Variants in RAB27A observed in about 807,000 individuals in gnomAD.
RAB27A encodes ras-related protein Rab-27A.
Under a neutral mutation model 20.8 loss-of-function variants are expected in RAB27A, and 17 were observed. That is an observed-to-expected ratio of 0.82 (90% CI 0.56 to 1.23). The LOEUF (loss-of-function observed/expected upper bound fraction) is 1.23. RAB27A is among the 50% of genes most tolerant of loss of function. RAB27A has a pLI of 0.00. For missense variants in RAB27A, 277 were observed against 266.7 expected (o/e 1.04, Z -0.27); for synonymous variants, 85 against 92.8 (o/e 0.92, Z 0.48).
At chr15:55,221,424 G>A (rs565575336) in intron 6 of RAB27A, among the ~76,000 whole-genome samples, 37 of 152,022 alleles carry the variant, frequency 2.4e-4, no homozygotes, top group Middle Eastern at 6.8e-3. Context: ...TGTGGTAATC[G>A]TTCTCTCCCT....
At chr15:55,222,764 G>A (rs1595686473) in intron 6 of RAB27A, among the ~76,000 whole-genome samples, 1 of 150,858 alleles carries the variant, frequency 6.6e-6, no homozygotes, top group African/African-American at 2.4e-5. Flanking sequence ...CACAAACTAG[G>A]TAACATCCCC....
intron 2 of RAB27A, among the ~76,000 whole-genome samples, chr15:55,252,833 AC>A (rs1386043981): frequency 6.6e-6 from 1 of 151,832 alleles, no homozygotes; most frequent in Non-Finnish European, 1.5e-5. Flanking sequence ...TACTCTGCCA[AC>A]CAGTTTGAAA....
intron 2 of RAB27A, among the ~76,000 whole-genome samples, chr15:55,235,988 C>T (rs1347112577): frequency 6.6e-6 from 1 of 152,026 alleles, no homozygotes; most frequent in African/African-American, 2.4e-5. Context: ...AAGAATGATA[C>T]AATGGACTTT....
Position 55,270,217 on chromosome 15 carries a change from G to A in RAB27A, c.-75C>T, listed in dbSNP as rs935672877. 1 of 152,054 alleles carries A rather than the reference G, an allele frequency of 6.6e-6. No individual in the cohort carries two copies. Among genetic ancestry groups the A allele is most frequent in the Non-Finnish European group, 1.5e-5 (1 of 67,994 alleles). The allele number at this position is 152,054 out of a possible 1,614,324, so 9.4% of individuals were successfully genotyped here. On this transcript the variant is annotated 5_prime_UTR_variant, in exon 2 of 7. Coordinates refer to ENST00000336787, the MANE Select transcript of RAB27A (RefSeq NM_183235.3). ...TGATTTTCTAAAACGTTAGAGACTGGAGTTACCAATGCTTCAACAATTGAC... is the reference window on the plus strand; with the variant it reads ...TGATTTTCTAAAACGTTAGAGACTGAAGTTACCAATGCTTCAACAATTGAC...
intron 2 of RAB27A, among the ~76,000 whole-genome samples, chr15:55,252,153 A>T (rs73413627): frequency 0.011 from 1,615 of 152,294 alleles, 36 homozygotes; most frequent in African/African-American, 0.037. Context: ...ATTCAAGAGG[A>T]CATCTGGGCA....
intron 5 of RAB27A, among the ~76,000 whole-genome samples, chr15:55,227,405 A>C (rs1595692063): frequency 6.6e-6 from 1 of 152,226 alleles, no homozygotes; most frequent in Non-Finnish European, 1.5e-5. Flanking sequence ...AAGAGACCAT[A>C]AACAGCCACT....
At chr15:55,238,361 A>C (rs1896347816) in intron 2 of RAB27A, 1 of 152,162 alleles carries the variant, frequency 6.6e-6, no homozygotes, top group Non-Finnish European at 1.5e-5. Context: ...TAAAGTGACC[A>C]GTAGTATGGT....
rs1895318691 is a variant in RAB27A, at chr15:55,216,614, CTGTGTGT to C, written c.467+7268_467+7274del. Among the ~76,000 whole-genome samples, 3 of 152,046 alleles carry C rather than the reference CTGTGTGT, an allele frequency of 2.0e-5. No homozygotes were observed. In the East Asian group the frequency reaches 5.8e-4, roughly 29 times the overall value. On this transcript the variant is annotated intron_variant, in intron 6 of 6. Coordinates refer to ENST00000336787, the MANE Select transcript of RAB27A (RefSeq NM_183235.3). ...ACATGGTAAACATTAAATTCTCAATCTGTGTGTTGTGTGAAAAAAAAAGAATAAAAAA... is the reference window on the plus strand; with the variant it reads ...ACATGGTAAACATTAAATTCTCAATCTGTGTGAAAAAAAAAGAATAAAAAA...
At chr15:55,263,001 A>T (rs1052095666) in intron 2 of RAB27A, among the ~76,000 whole-genome samples, 1 of 152,186 alleles carries the variant, frequency 6.6e-6, no homozygotes, top group Non-Finnish European at 1.5e-5. Context: ...CAACTTTATC[A>T]CATTTTGTTT....
In RAB27A at chr15:55,213,641, A is replaced by G. The variant is rs541261414; in HGVS notation, c.468-7936T>C. ...CTCTGTCTCCTGTCAGATTAGCAGC[A>G]TCATTAGATTCTCATAGGAGCACAA... On this transcript the variant is annotated intron_variant, in intron 6 of 6. Coordinates refer to ENST00000336787, the MANE Select transcript of RAB27A (RefSeq NM_183235.3). Among the ~76,000 whole-genome samples the G allele has an allele frequency of 2.4e-4, 36 of 152,296 alleles. No homozygotes were observed. In the South Asian group the frequency reaches 7.2e-3, roughly 31 times the overall value.
intron 1 of RAB27A, among the ~76,000 whole-genome samples, chr15:55,315,568 AC>A (rs1228758591): frequency 6.6e-6 from 1 of 152,222 alleles, no homozygotes; most frequent in Non-Finnish European, 1.5e-5. Context: ...CAAGAAAAAA[AC>A]AACCCCATCA....
At chr15:55,274,785 A>C (rs1303081255) in intron 1 of RAB27A, among the ~76,000 whole-genome samples, 2 of 33,740 alleles carry the variant, frequency 5.9e-5, no homozygotes, top group African/African-American at 1.6e-4. Flanking sequence ...CCTTAAAAAA[A>C]TAAATAAATT....
At chr15:55,258,956 C>G (rs1056415034) in intron 2 of RAB27A, among the ~76,000 whole-genome samples, 1 of 152,100 alleles carries the variant, frequency 6.6e-6, no homozygotes, top group Non-Finnish European at 1.5e-5. Context: ...TCCCAAGTAG[C>G]TGGGGCTACA....
rs201624253 is a variant in RAB27A at position 55,257,854 on chromosome 15, G to A, written c.-23+12311C>T. On this transcript the variant is annotated intron_variant, in intron 2 of 6. Transcript: ENST00000336787. Reference sequence around the variant, plus strand: ...CTAAAAATACAAAAATTAGCCAGGCGTGCAGGTGGGCACCTATAATCCCGG... The same window carrying A: ...CTAAAAATACAAAAATTAGCCAGGCATGCAGGTGGGCACCTATAATCCCGG... Among the ~76,000 whole-genome samples the A allele has an allele frequency of 1.2e-4, 19 of 152,160 alleles. No individual in the cohort carries two copies. The East Asian group carries it at 1.4e-3, about 11-fold the overall frequency.
At chr15:55,309,561 G>T (rs1416756946) in intron 2 of RAB27A, among the ~76,000 whole-genome samples, 2 of 152,172 alleles carry the variant, frequency 1.3e-5, no homozygotes, top group Non-Finnish European at 2.9e-5. Context: ...AACCCTTGGG[G>T]TAAAACAGTC....
chr15:55,305,587 G>T, intron 2 of RAB27A, among the ~76,000 whole-genome samples: 1 of 151,528 alleles, frequency 6.6e-6, no homozygotes, highest in East Asian at 1.9e-4. Context: ...CCCCAAGTCC[G>T]GTGTTTTGAA....
chr15:55,226,630 G>A (rs1255360335), intron 5 of RAB27A, among the ~76,000 whole-genome samples: 1 of 152,120 alleles, frequency 6.6e-6, no homozygotes, highest in East Asian at 1.9e-4. Flanking sequence ...AGCACTTTGG[G>A]AGGCTGAGGC....
At chr15:55,283,267 T>C (rs1898063118) in intron 1 of RAB27A, among the ~76,000 whole-genome samples, 1 of 152,164 alleles carries the variant, frequency 6.6e-6, no homozygotes. Flanking sequence ...TTGCTAAATG[T>C]CCCATGTGGG....
intron 2 of RAB27A, among the ~76,000 whole-genome samples, chr15:55,245,293 G>C (rs1417069052): frequency 1.3e-5 from 2 of 152,186 alleles, no homozygotes; most frequent in Non-Finnish European, 2.9e-5. Flanking sequence ...GATGTGCGTA[G>C]ATATGGTTGC....
Sources: allele counts gnomAD v4.1 joint callset (sites outside exome capture counted in the v4.1 genomes callset), GRCh38; gene constraint gnomAD v4.1.1; transcripts MANE v1.5; gene names NCBI Gene and HGNC (gene_info 2026-07-23, HGNC 2026-07-21).